PHIP: variants seen among roughly 807,000 people sequenced by gnomAD.
PHIP encodes PH-interacting protein.
A neutral mutation model predicts 236.8 loss-of-function variants in PHIP; 54 were observed. That is an observed-to-expected ratio of 0.23 (90% CI 0.18 to 0.29). The LOEUF (loss-of-function observed/expected upper bound fraction) is 0.29. Among genes scored for constraint, PHIP ranks in the 10% least tolerant of loss-of-function variants. PHIP has a pLI of 1.00. For synonymous variants in PHIP, 756 were observed against 718.9 expected (o/e 1.05, Z -0.83); for missense variants, 1,370 against 2,190.8 (o/e 0.63, Z 7.48).
intron 9 of PHIP, among the ~76,000 whole-genome samples, chr6:79,024,655 C>T (rs1273564951): frequency 3.3e-5 from 5 of 151,790 alleles, no homozygotes; most frequent in Admixed American, 3.3e-4. Flanking sequence ...ATACAAAAAA[C>T]TTATACGGGA....
chr6:78,958,324 T>G (rs1002083801), intron 32 of PHIP, 151 bp downstream of exon 32: 3 of 529,174 alleles, frequency 5.7e-6, no homozygotes, highest in African/African-American at 3.8e-5. Context: ...CAGAGACCTT[T>G]AGATCTTCAG....
At chr6:78,950,582 T>C (rs1362091897) in intron 35 of PHIP, among the ~76,000 whole-genome samples, 1 of 152,186 alleles carries the variant, frequency 6.6e-6, no homozygotes, top group African/African-American at 2.4e-5. Context: ...ACTTTGAATA[T>C]CGGTCTATTT....
At chr6:79,033,344 G>C (rs1771765640) in intron 7 of PHIP, among the ~76,000 whole-genome samples, 1 of 152,186 alleles carries the variant, frequency 6.6e-6, no homozygotes, top group South Asian at 2.1e-4. Flanking sequence ...GAAAGTCCTA[G>C]ATGATGTATT....
chr6:79,006,117 A>G (rs1037219578), intron 15 of PHIP, among the ~76,000 whole-genome samples: 5 of 152,034 alleles, frequency 3.3e-5, no homozygotes, highest in African/African-American at 1.2e-4. Flanking sequence ...ATCAGAAAAA[A>G]GAAAAGGATA....
Position 78,952,441 on chromosome 6 carries a change from G to GA in PHIP, c.4053+2372dup, listed in dbSNP as rs1337922667. On this transcript the variant is annotated intron_variant, in intron 35 of 39. Transcript: ENST00000275034. ...CCAAAAAAAAAAGAAAAAAAAAAAA[G>GA]AAAAAAAAAAAGGAAAAAAAAATTC... Among the ~76,000 whole-genome samples the GA allele has an allele frequency of 7.7e-3, 933 of 120,874 alleles. 9 individuals are homozygous for GA. Among genetic ancestry groups the GA allele is most frequent in the African/African-American group, 0.026 (842 of 32,824 alleles). The allele number at this position is 120,874 out of a possible 152,430, so 79.3% of individuals were successfully genotyped here. A position where few individuals can be genotyped will look rare whatever the true frequency, so the allele number is the denominator to read the frequency against.
Position 78,965,704 on chromosome 6 carries a change from A to G in PHIP, c.3378T>C (p.Asn1126=). The part of the protein sequence containing the change: ...SPWDMELIPN[N]AVFPEELGTS... ...ACAAAAAGCCTAACACACACTTACC[A>G]TTATTAGGTATAAGCTCCATATCCC... is the stretch of plus-strand genomic sequence containing the variant. The change falls in exon 29 of 40, where the codon AAT becomes AAC. Residue 1126 remains asparagine (N), a splice_region_variant and synonymous_variant. Coordinates refer to ENST00000275034, the MANE Select transcript of PHIP (RefSeq NM_017934.7). 3 of 1,518,882 alleles carry G rather than the reference A, an allele frequency of 2.0e-6. No individual in the cohort carries two copies. Among genetic ancestry groups the G allele is most frequent in the Non-Finnish European group, 2.7e-6 (3 of 1,099,406 alleles). The allele number at this position is 1,518,882 out of a possible 1,614,324, so 94.1% of individuals were successfully genotyped here. A position where few individuals can be genotyped will look rare whatever the true frequency, so the allele number is the denominator to read the frequency against.
intron 25 of PHIP, 108 bp from the exon 26 acceptor site, chr6:78,970,281 G>T (rs1037885508): frequency 2.0e-5 from 17 of 853,324 alleles, no homozygotes; most frequent in Non-Finnish European, 2.9e-5. Context: ...TGATCTGGAT[G>T]GTGATGACTG....
In PHIP at chr6:78,954,865, T is replaced by C. The variant is rs779086341; in HGVS notation, c.4002A>G (p.Gln1334=). The C allele has an allele frequency of 7.6e-6, 12 of 1,585,652 alleles. No individual in the cohort carries two copies. Among genetic ancestry groups the C allele is most frequent in the South Asian group, 6.9e-5 (6 of 86,426 alleles). The change falls in exon 35 of 40, where the codon CAA becomes CAG. Residue 1334 remains glutamine, a synonymous_variant. Transcript: ENST00000275034. ...QCEELLNLIF[Q]CEDSEPFRQP... Reference sequence around the variant, plus strand: ...GACGGAAAGGCTCTGAATCTTCACATTGAAATATGAGATTTAACAATTCTT... The same window carrying C: ...GACGGAAAGGCTCTGAATCTTCACACTGAAATATGAGATTTAACAATTCTT...
In PHIP at chr6:79,078,199, ACGG is replaced by A; in HGVS notation, c.-134_-132del. On this transcript the variant is annotated 5_prime_UTR_variant, in exon 1 of 40. Coordinates refer to ENST00000275034, the MANE Select transcript of PHIP (RefSeq NM_017934.7). ...GAGCTTCGGCTCCACCATTCAAGCA[ACGG>A]CGGCGGAGGCGGAGGAGGAGGAGGA... is the stretch of plus-strand genomic sequence containing the variant. 1 of 843,236 alleles carries A rather than the reference ACGG, an allele frequency of 1.2e-6. No individual in the cohort carries two copies. Among genetic ancestry groups the A allele is most frequent in the Non-Finnish European group, 1.9e-6 (1 of 535,622 alleles). 52.2% of individuals were successfully genotyped at this position (843,236 alleles called of 1,614,324 possible). A position where few individuals can be genotyped will look rare whatever the true frequency, so the allele number is the denominator to read the frequency against.
intron 6 of PHIP, among the ~76,000 whole-genome samples, chr6:79,056,596 G>A (rs1212655608): frequency 6.6e-6 from 1 of 152,052 alleles, no homozygotes; most frequent in Non-Finnish European, 1.5e-5. Context: ...GGGGGTAGTG[G>A]GGATGCTACT....
At position 79,001,629 on chromosome 6, in the gene PHIP, A is replaced by T. The variant is rs182795912; in HGVS notation, c.1879+270T>A. On this transcript the variant is annotated intron_variant, in intron 17 of 39. Coordinates refer to ENST00000275034, the MANE Select transcript of PHIP (RefSeq NM_017934.7). Reference sequence around the variant, plus strand: ...TAAATGTTGCTGAGTAAGTAAATTAATTCACTTGTTTCACACCAAATACAG... The same window carrying T: ...TAAATGTTGCTGAGTAAGTAAATTATTTCACTTGTTTCACACCAAATACAG... Among the ~76,000 whole-genome samples, 227 of 152,240 alleles carry T rather than the reference A, an allele frequency of 1.5e-3. 2 individuals are homozygous for T. The Middle Eastern group carries it at 0.041, about 27-fold the overall frequency.
chr6:78,945,621 T>C, intron 38 of PHIP, 124 bp from the exon 39 acceptor site: 1 of 671,416 alleles, frequency 1.5e-6, no homozygotes, highest in Non-Finnish European at 2.6e-6. Flanking sequence ...AAAGCTTTCT[T>C]AGGAAAGCTA....
intron 10 of PHIP, 67 bp from the exon 11 acceptor site, chr6:79,017,650 T>G: frequency 8.5e-7 from 1 of 1,177,964 alleles, no homozygotes; most frequent in Non-Finnish European, 1.3e-6. Flanking sequence ...AATTAGATAA[T>G]AAAATGTAAG....
intron 17 of PHIP, among the ~76,000 whole-genome samples, chr6:78,998,946 T>C (rs1769815796): frequency 6.6e-6 from 1 of 152,046 alleles, no homozygotes; most frequent in African/African-American, 2.4e-5. Context: ...GACATACTGA[T>C]GGGGAAAGTA....
chr6:79,040,215 T>C (rs985367965), intron 7 of PHIP, among the ~76,000 whole-genome samples: 4 of 152,004 alleles, frequency 2.6e-5, no homozygotes, highest in Non-Finnish European at 5.9e-5. Context: ...TCTCTTTAGG[T>C]GATGAGAAAA....
In PHIP at chr6:78,935,945, CAT is replaced by C. The variant is rs1478983551; in HGVS notation, c.*4746_*4747del. On this transcript the variant is annotated 3_prime_UTR_variant, in exon 40 of 40. Transcript: ENST00000275034. ...CATTGCAGGGACAGGTATTCTTACA[CAT>C]ACATTCTAGTTTGTATAAAAGGATT... 6.4e-6 allele frequency: 1 copy of C among 156,060 alleles called. No individual in the cohort carries two copies. Among genetic ancestry groups the C allele is most frequent in the African/African-American group, 2.4e-5 (1 of 41,516 alleles). 9.7% of individuals were successfully genotyped at this position (156,060 alleles called of 1,614,324 possible).
intron 31 of PHIP, 21 bp downstream of exon 31, chr6:78,961,669 G>A: frequency 1.9e-6 from 3 of 1,607,636 alleles, no homozygotes; most frequent in Non-Finnish European, 2.6e-6. Flanking sequence ...TTTGATAGTA[G>A]CTACATCAAA....
intron 6 of PHIP, among the ~76,000 whole-genome samples, chr6:79,057,650 T>G (rs1773139465): frequency 6.6e-6 from 1 of 152,140 alleles, no homozygotes; most frequent in African/African-American, 2.4e-5. Flanking sequence ...CCACTGATAC[T>G]TGGTAATACC....
chr6:79,059,064 T>A (rs142716080), intron 6 of PHIP, among the ~76,000 whole-genome samples: 131 of 152,218 alleles, frequency 8.6e-4, no homozygotes, highest in African/African-American at 3.1e-3. Context: ...GACAATCTTA[T>A]GTTTTAAAAA....
Sources: allele counts gnomAD v4.1 joint callset (sites outside exome capture counted in the v4.1 genomes callset), GRCh38; gene constraint gnomAD v4.1.1; transcripts MANE v1.5; gene names NCBI Gene and HGNC (gene_info 2026-07-23, HGNC 2026-07-21).